Variants in GLYCTK observed in about 807,000 individuals in gnomAD.
The protein encoded by GLYCTK is HBeAg binding protein 4.
In GLYCTK, 22 loss-of-function variants were observed where a neutral mutation model predicts 24.8. That is an observed-to-expected ratio of 0.89 (90% confidence interval 0.63 to 1.27). GLYCTK has a LOEUF of 1.27. GLYCTK is among the 50% of genes most tolerant of loss of function. The probability of loss-of-function intolerance (pLI) is 0.00; values close to 1 mark genes in which losing one functional copy is unlikely to be tolerated. For synonymous variants in GLYCTK, 320 were observed against 297.2 expected (o/e 1.08, Z -0.79); for missense variants, 684 against 686.7 (o/e 1.00, Z 0.04).
At position 52,293,399 on chromosome 3, in the gene GLYCTK, CCT is replaced by C. The variant is rs1052122072; in HGVS notation, c.*280_*281del. ...GTTCCCGTGCTTCTCCCTTGGGCAGCCTCTCTCTTGAGCCCCTCACCCTGTTT... is the reference window on the plus strand; with the variant it reads ...GTTCCCGTGCTTCTCCCTTGGGCAGCCTCTCTTGAGCCCCTCACCCTGTTT... On this transcript the variant is annotated 3_prime_UTR_variant, in exon 5 of 5. Coordinates refer to ENST00000436784, the MANE Select transcript of GLYCTK (RefSeq NM_145262.4). The C allele has an allele frequency of 1.3e-5, 9 of 667,404 alleles. No individual in the cohort carries two copies. The African/African-American group carries it at 1.6e-4, about 12-fold the overall frequency. The allele number at this position is 667,404 out of a possible 1,614,324, so 41.3% of individuals were successfully genotyped here.
intron 2 of GLYCTK, 106 bp downstream of exon 2, chr3:52,290,825 C>A (rs1700442338): frequency 6.3e-7 from 1 of 1,583,286 alleles, no homozygotes; most frequent in African/African-American, 1.3e-5. Context: ...CCCATTTCTC[C>A]TGGATCTGGC....
rs553892648 is a variant in GLYCTK, at chr3:52,292,493, G to T, written c.939G>T (p.Val313=). Residue 313 remains valine, a synonymous_variant, in exon 5 of 5, where the codon GTG becomes GTT. Coordinates refer to ENST00000436784, the MANE Select transcript of GLYCTK (RefSeq NM_145262.4). ...HVLNVIIGSN[V]LALAEAQRQA... ...TGAATGTGATCATTGGCTCTAATGT[G>T]CTGGCGCTAGCTGAGGCCCAGCGGC... The T allele has an allele frequency of 6.2e-7, 1 of 1,613,456 alleles. No homozygotes were observed. Among genetic ancestry groups the T allele is most frequent in the South Asian group, 1.1e-5 (1 of 91,080 alleles).
intron 3 of GLYCTK, 190 bp from the exon 4 acceptor site, chr3:52,291,557 G>T (rs990717184): frequency 1.1e-5 from 7 of 609,244 alleles, no homozygotes; most frequent in African/African-American, 1.1e-4. Context: ...TGGGACCTGG[G>T]GTACCCCAAG....
chr3:52,291,775 C>T lies in GLYCTK; in HGVS notation c.558C>T (p.Pro186=). The T allele has an allele frequency of 6.2e-7, 1 of 1,613,746 alleles. No individual in the cohort carries two copies. The highest frequency in any genetic ancestry group is 8.5e-7 in the Non-Finnish European group (1 of 1,180,012). The change falls in exon 4 of 5, where the codon CCC becomes CCT. Residue 186 remains proline, a synonymous_variant. Coordinates refer to ENST00000436784, the MANE Select transcript of GLYCTK (RefSeq NM_145262.4). ...GGGGTTCAGCTCTGCTGCCTGCCCCCATCCCACCTGTCACACTGGAGGAGA... is the reference window on the plus strand; with the variant it reads ...GGGGTTCAGCTCTGCTGCCTGCCCCTATCCCACCTGTCACACTGGAGGAGA... The part of the protein sequence containing the change: ...SGGGSALLPA[P]IPPVTLEEKQ...
chr3:52,291,689 T>C lies in GLYCTK; in HGVS notation c.530-58T>C, dbSNP rs991691816. ...CTAATGTGGGCTTGTCACCCCTGCT[T>C]GCCTGGTTCCCTGGGTTGGGATAGC... On this transcript the variant is annotated intron_variant, in intron 3 of 4. Transcript: ENST00000436784. The C allele has an allele frequency of 6.4e-6, 10 of 1,552,078 alleles. No individual in the cohort carries two copies. In the African/African-American group the frequency reaches 1.4e-4, roughly 21 times the overall value.
In GLYCTK at chr3:52,292,465, T is replaced by C. The variant is rs777933024; in HGVS notation, c.911T>C (p.Val304Ala). Residue 304 changes from valine (V) to alanine (A), a missense_variant, in exon 5 of 5, where the codon GTC becomes GCC. Physicochemically the swap from Val to Ala is moderately conservative, Grantham distance 64 (BLOSUM62 0). Coordinates refer to ENST00000436784, the MANE Select transcript of GLYCTK (RefSeq NM_145262.4). ...DPHGPHTCGHVLNVIIGSNVL... is the reference protein window; with the variant it reads ...DPHGPHTCGHALNVIIGSNVL... ...CATGGGCCACACACCTGTGGCCATG[T>C]CCTGAATGTGATCATTGGCTCTAAT... 4 of 1,612,966 alleles carry C rather than the reference T, an allele frequency of 2.5e-6. No homozygotes were observed. Among genetic ancestry groups the C allele is most frequent in the Non-Finnish European group, 3.4e-6 (4 of 1,179,772 alleles).
At chr3:52,289,171 G>T (rs1341569040) in intron 1 of GLYCTK, 1 of 152,216 alleles carries the variant, frequency 6.6e-6, no homozygotes, top group Non-Finnish European at 1.5e-5. Context: ...TCAATTCCCA[G>T]CCTCCTTACC....
rs758738000 is a variant in GLYCTK, at chr3:52,291,915, CT to C, written c.699del (p.Ala234ProfsTer4). The C allele has an allele frequency of 2.5e-6, 4 of 1,612,640 alleles. No homozygotes were observed. In the African/African-American group the frequency reaches 5.3e-5, roughly 22 times the overall value. ...KGGGLAQAAY[P>X]AQVVSLILSD... ...GGGGGGCTGGCTCAGGCCGCCTACC[CT>C]GCCCAGGTATGAGTCCCTTCTTCCC... On this transcript the variant is annotated frameshift_variant, in exon 4 of 5. Transcript: ENST00000436784. LOFTEE classifies it high-confidence loss of function.
In GLYCTK at chr3:52,292,812, G is replaced by C. The variant is rs367904866; in HGVS notation, c.1258G>C (p.Gly420Arg). 6.2e-7 allele frequency: 1 copy of C among 1,612,608 alleles called. No individual in the cohort carries two copies. Among genetic ancestry groups the C allele is most frequent in the South Asian group, 1.1e-5 (1 of 90,966 alleles). ...PTVQLQGSGR[G>R]GRNQELALRV... The stretch of plus-strand genomic sequence containing the variant: ...AGTACAGCTGCAGGGCTCGGGCAGG[G>C]GTGGCCGGAACCAGGAACTGGCCCT... Residue 420 changes from glycine to arginine, a missense_variant, in exon 5 of 5, where the codon GGT becomes CGT. By Grantham distance (125) the Gly-to-Arg change is moderately radical. Transcript: ENST00000436784.
intron 1 of GLYCTK, among the ~76,000 whole-genome samples, chr3:52,289,693 T>C (rs1700398266): frequency 6.6e-6 from 1 of 152,248 alleles, no homozygotes; most frequent in Non-Finnish European, 1.5e-5. Context: ...CTCAGATTGC[T>C]TGCCCTGAGG....
rs1045395286 is a variant in GLYCTK, at chr3:52,293,619, G to A, written c.*493G>A. 6.6e-6 allele frequency: 3 copies of A among 454,936 alleles called. No homozygotes were observed. Among genetic ancestry groups the A allele is most frequent in the Admixed American group, 4.7e-5 (2 of 42,596 alleles). 28.2% of individuals were successfully genotyped at this position (454,936 alleles called of 1,614,324 possible). A position where few individuals can be genotyped will look rare whatever the true frequency, so the allele number is the denominator to read the frequency against. On this transcript the variant is annotated 3_prime_UTR_variant, in exon 5 of 5. Coordinates refer to ENST00000436784, the MANE Select transcript of GLYCTK (RefSeq NM_145262.4). ...GCTGGGTACGTGCAGGATGTGCCTC[G>A]CATAACGGGAGCCTGTGCCCATCCC...
chr3:52,291,952 TG>T, intron 4 of GLYCTK, 30 bp downstream of exon 4: 2 of 1,600,102 alleles, frequency 1.2e-6, no homozygotes, highest in Non-Finnish European at 1.7e-6. Flanking sequence ...CAGGCAACCT[TG>T]GGTTGGTGGA....
rs775446939 is a variant in GLYCTK, at chr3:52,294,407, G to A, written c.*1281G>A. 9 of 508,330 alleles carry A rather than the reference G, an allele frequency of 1.8e-5. No individual in the cohort carries two copies. Among genetic ancestry groups the A allele is most frequent in the South Asian group, 1.1e-4 (8 of 69,690 alleles). The allele number at this position is 508,330 out of a possible 1,614,324, so 31.5% of individuals were successfully genotyped here. ...CAGGGCTGGCAGGACTTTCCCCTGG[G>A]AAGGGTTTCCCTTCCCCACCTGGGC... is the stretch of plus-strand genomic sequence containing the variant. On this transcript the variant is annotated 3_prime_UTR_variant, in exon 5 of 5. Transcript: ENST00000436784.
At chr3:52,290,169 C>T (rs1578024255) in intron 1 of GLYCTK, 135 bp from the exon 2 acceptor site, 1 of 715,892 alleles carries the variant, frequency 1.4e-6, no homozygotes. Context: ...CAGGAAGTCT[C>T]CTGGGGCTAT....
intron 1 of GLYCTK, chr3:52,289,014 T>C (rs1053351103): frequency 6.6e-6 from 1 of 152,228 alleles, no homozygotes; most frequent in Admixed American, 6.5e-5. Flanking sequence ...GAGATCTGTG[T>C]TGCAGTGGAC....
At position 52,293,439 on chromosome 3, in the gene GLYCTK, C is replaced by T. The variant is rs975285744; in HGVS notation, c.*313C>T. The T allele has an allele frequency of 5.0e-6, 3 of 594,790 alleles. No individual in the cohort carries two copies. Among genetic ancestry groups the T allele is most frequent in the Non-Finnish European group, 3.2e-6 (1 of 316,140 alleles). The allele number at this position is 594,790 out of a possible 1,614,324, so 36.8% of individuals were successfully genotyped here. On this transcript the variant is annotated 3_prime_UTR_variant, in exon 5 of 5. Transcript: ENST00000436784. Reference sequence around the variant, plus strand: ...CCTCACCCTGTTTCTTTCTGTGAAGCGAGAATGTCTGAAAATAAATAGGAC... The same window carrying T: ...CCTCACCCTGTTTCTTTCTGTGAAGTGAGAATGTCTGAAAATAAATAGGAC...
At position 52,294,932 on chromosome 3, in the gene GLYCTK, T is replaced by C. The variant is rs148678217; in HGVS notation, c.*1806T>C. 1.0e-3 allele frequency: 469 copies of C among 454,050 alleles called. 1 individual carries two copies. Among genetic ancestry groups the C allele is most frequent in the African/African-American group, 8.6e-3 (430 of 50,080 alleles). 28.1% of individuals were successfully genotyped at this position (454,050 alleles called of 1,614,324 possible). ...ATGCATCTCTGAGTGTACACATAGA[T>C]ACTTAGTACAGGGCACATGACTCCC... On this transcript the variant is annotated 3_prime_UTR_variant, in exon 5 of 5. Coordinates refer to ENST00000436784, the MANE Select transcript of GLYCTK (RefSeq NM_145262.4).
chr3:52,292,296 C>T lies in GLYCTK; in HGVS notation c.742C>T (p.Pro248Ser). 1 of 1,613,922 alleles carries T rather than the reference C, an allele frequency of 6.2e-7. No individual in the cohort carries two copies. Residue 248 changes from proline (P) to serine (S), a missense_variant, in exon 5 of 5, where the codon CCT (proline) becomes TCT (serine). Physicochemically the swap from Pro to Ser is moderately conservative, Grantham distance 74. Coordinates refer to ENST00000436784, the MANE Select transcript of GLYCTK (RefSeq NM_145262.4). ...CATCCTGTCAGATGTGGTGGGGGAC[C>T]CTGTGGAGGTGATTGCCAGTGGCCC... is the stretch of plus-strand genomic sequence containing the variant. ...SLILSDVVGD[P>S]VEVIASGPTV...
At position 52,291,052 on chromosome 3, in the gene GLYCTK, C is replaced by A; in HGVS notation, c.470C>A (p.Ala157Asp). ...CGCGATGCGCTGCGGGCTGCACTGG[C>A]CATCCAGCAACTGGCTGAGGGACTC... ...PDRDALRAAL[A>D]IQQLAEGLTA... Residue 157 changes from alanine (A) to aspartate (D), a missense_variant, in exon 3 of 5, where the codon GCC becomes GAC. Ala to Asp is a moderately radical substitution (Grantham distance 126, BLOSUM62 -2). Transcript: ENST00000436784. 6.2e-7 allele frequency: 1 copy of A among 1,613,546 alleles called. No individual in the cohort carries two copies.
Sources: gnomAD v4.1 joint callset for allele counts (sites outside exome capture counted in the v4.1 genomes callset) on GRCh38, gnomAD v4.1.1 for gene constraint, MANE v1.5 for transcripts, NCBI Gene and HGNC (gene_info 2026-07-23, HGNC 2026-07-21) for gene names.